GPC6: variants seen among roughly 807,000 people sequenced by gnomAD.
GPC6 encodes glypican-6.
A neutral mutation model predicts 55.2 loss-of-function variants in GPC6; 14 were observed. The observed-to-expected ratio is 0.25, with a 90% CI of 0.17 to 0.40. The LOEUF is 0.40. Ranked by LOEUF, GPC6 falls within the 10% of genes least tolerant of loss-of-function variation. The pLI is 1.00. For missense variants in GPC6, 641 were observed against 708.5 expected, an observed-to-expected ratio of 0.90 and a Z score of 1.08; for synonymous variants, 278 against 259.6, an observed-to-expected ratio of 1.07 and a Z score of -0.68.
At chr13:93,308,511 A>G (rs994019415) in intron 1 of GPC6, among the ~76,000 whole-genome samples, 3 of 152,126 alleles carry the variant, frequency 2.0e-5, no homozygotes, top group African/African-American at 7.2e-5. Flanking sequence ...GCATGATCTC[A>G]GCTCACTGGA....
At chr13:94,144,230 G>A (rs954746101) in intron 4 of GPC6, among the ~76,000 whole-genome samples, 5 of 152,052 alleles carry the variant, frequency 3.3e-5, no homozygotes, top group Non-Finnish European at 5.9e-5. Flanking sequence ...GTAACATCAG[G>A]GTTGAAATGG....
intron 3 of GPC6, among the ~76,000 whole-genome samples, chr13:93,941,369 A>G (rs906803125): frequency 2.0e-5 from 3 of 152,306 alleles, no homozygotes; most frequent in African/African-American, 7.2e-5. Context: ...GAGTTGATCT[A>G]TGATATCCCT....
At chr13:94,190,083 G>C (rs1177148319) in intron 4 of GPC6, among the ~76,000 whole-genome samples, 2 of 151,660 alleles carry the variant, frequency 1.3e-5, no homozygotes, top group Non-Finnish European at 2.9e-5. Flanking sequence ...CAACACTTTG[G>C]GAGGCCAAGG....
chr13:93,874,408 C>T (rs1004948731), intron 3 of GPC6, among the ~76,000 whole-genome samples: 5 of 151,696 alleles, frequency 3.3e-5, no homozygotes, highest in East Asian at 2.0e-4. Flanking sequence ...CATAGCATTC[C>T]GTGGTGTATA....
At chr13:93,466,039 A>G (rs1878891752) in intron 1 of GPC6, among the ~76,000 whole-genome samples, 1 of 152,180 alleles carries the variant, frequency 6.6e-6, no homozygotes. Context: ...TACAATAATA[A>G]CATCAAAGAT....
At chr13:94,161,587 G>C (rs931670374) in intron 4 of GPC6, among the ~76,000 whole-genome samples, 2 of 152,070 alleles carry the variant, frequency 1.3e-5, no homozygotes, top group Admixed American at 1.3e-4. Context: ...ATTTAGTTAG[G>C]CCATTTGGAA....
At chr13:93,520,542 TA>T (rs58324863) in intron 1 of GPC6, among the ~76,000 whole-genome samples, 142,087 of 150,890 alleles carry the variant, frequency 0.94, 67,434 homozygotes, top group East Asian at 1. Flanking sequence ...AAATAGACTT[TA>T]AAAAAAAAAA....
chr13:93,852,589 TTC>T (rs1297566244), intron 3 of GPC6, among the ~76,000 whole-genome samples: 2 of 151,616 alleles, frequency 1.3e-5, no homozygotes, highest in African/African-American at 2.4e-5. Flanking sequence ...AGTAAAAACT[TTC>T]TGATTAATGA....
At chr13:93,431,609 C>G (rs375093419) in intron 1 of GPC6, among the ~76,000 whole-genome samples, 26 of 152,018 alleles carry the variant, frequency 1.7e-4, no homozygotes, top group African/African-American at 5.8e-4. Context: ...ATATTACATT[C>G]AAAACACACA....
intron 2 of GPC6, among the ~76,000 whole-genome samples, chr13:93,597,971 C>T (rs960187307): frequency 3.3e-5 from 5 of 151,920 alleles, no homozygotes; most frequent in Admixed American, 6.6e-5. Context: ...TGGTGAAACC[C>T]CATCTCTACT....
At chr13:93,240,096 G>C (rs1397404547) in intron 1 of GPC6, among the ~76,000 whole-genome samples, 1 of 152,080 alleles carries the variant, frequency 6.6e-6, no homozygotes, top group Non-Finnish European at 1.5e-5. Flanking sequence ...TGACAAGAAT[G>C]TATATTCTCT....
intron 4 of GPC6, among the ~76,000 whole-genome samples, chr13:94,072,702 A>G (rs1427484014): frequency 6.6e-6 from 1 of 152,240 alleles, no homozygotes; most frequent in African/African-American, 2.4e-5. Flanking sequence ...TAGAAAAGCA[A>G]CAATGAATAT....
chr13:93,635,287 T>C (rs1879645445), intron 2 of GPC6, among the ~76,000 whole-genome samples: 1 of 152,116 alleles, frequency 6.6e-6, no homozygotes, highest in African/African-American at 2.4e-5. Flanking sequence ...GACTCAGAAA[T>C]TGAAGACCTT....
chr13:94,283,745 A>AAAGGATCTGCTGATCATTAGC, intron 4 of GPC6, among the ~76,000 whole-genome samples: 1 of 152,368 alleles, frequency 6.6e-6, no homozygotes. Flanking sequence ...AGGTAAGCAG[A>AAAGGATCTGCTGATCATTAGC]AAGGATCTGC....
Position 93,688,758 on chromosome 13 carries a change from G to A in GPC6, c.320-141396G>A, listed in dbSNP as rs1882147450. ...AAGAAAGTAGAATAGAAGTTATAAAGTGCTGAGGGGAGGGCAGAATCAAGA... is the reference window on the plus strand; with the variant it reads ...AAGAAAGTAGAATAGAAGTTATAAAATGCTGAGGGGAGGGCAGAATCAAGA... On this transcript the variant is annotated intron_variant, in intron 2 of 8. Coordinates refer to ENST00000377047, the MANE Select transcript of GPC6 (RefSeq NM_005708.5). Among the ~76,000 whole-genome samples the A allele has an allele frequency of 2.0e-5, 3 of 152,150 alleles. No individual in the cohort carries two copies. In the South Asian group the frequency reaches 6.2e-4, roughly 32 times the overall value.
chr13:93,935,563 G>A (rs963852536), intron 3 of GPC6, among the ~76,000 whole-genome samples: 25 of 152,132 alleles, frequency 1.6e-4, no homozygotes, highest in African/African-American at 6.0e-4. Context: ...ATGAACATAT[G>A]AGTGCAGGAA....
chr13:94,287,566 TC>T (rs1195372284), intron 5 of GPC6, among the ~76,000 whole-genome samples: 1 of 152,050 alleles, frequency 6.6e-6, no homozygotes, highest in Non-Finnish European at 1.5e-5. Flanking sequence ...CTGGCCTGGG[TC>T]CCTTTTTCTC....
At chr13:93,710,340 AAATGAC>A (rs1883010631) in intron 2 of GPC6, among the ~76,000 whole-genome samples, 1 of 151,820 alleles carries the variant, frequency 6.6e-6, no homozygotes, top group African/African-American at 2.4e-5. Context: ...GGTGGACTTT[AAATGAC>A]CCAAGGGTAT....
chr13:93,988,218 G>A (rs1450242805), intron 3 of GPC6, among the ~76,000 whole-genome samples: 2 of 152,100 alleles, frequency 1.3e-5, no homozygotes, highest in African/African-American at 2.4e-5. Context: ...TTTTGATGTG[G>A]TCCAAAGACT....
Sources: allele counts gnomAD v4.1 joint callset (sites outside exome capture counted in the v4.1 genomes callset), GRCh38; gene constraint gnomAD v4.1.1; transcripts MANE v1.5; gene names NCBI Gene and HGNC (gene_info 2026-07-23, HGNC 2026-07-21).